Variants in HECTD2 observed in about 807,000 individuals in gnomAD.
HECTD2 encodes the protein HECT domain E3 ubiquitin protein ligase 2, also known as probable E3 ubiquitin-protein ligase HECTD2.
A neutral mutation model predicts 103.2 loss-of-function variants in HECTD2; 35 were observed. That is an observed-to-expected ratio of 0.34 (90% CI 0.26 to 0.45). The LOEUF (loss-of-function observed/expected upper bound fraction) is 0.45, where lower values mean the gene tolerates loss of function less well. Among genes scored for constraint, HECTD2 ranks in the 20% least tolerant of loss-of-function variants. The probability of loss-of-function intolerance (pLI) is 1.00; values close to 1 mark genes in which losing one functional copy is unlikely to be tolerated. For synonymous variants in HECTD2, 281 were observed against 329.9 expected (o/e 0.85, Z 1.61); for missense variants, 596 against 937.4 (o/e 0.64, Z 4.76).
At chr10:91,452,744 A>G (rs1409623765) in intron 2 of HECTD2, among the ~76,000 whole-genome samples, 1 of 152,142 alleles carries the variant, frequency 6.6e-6, no homozygotes, top group African/African-American at 2.4e-5. Context: ...GCATTGAAAT[A>G]ACAGATTTCT....
chr10:91,414,153 C>T (rs904157631), intron 1 of HECTD2, among the ~76,000 whole-genome samples: 2 of 152,114 alleles, frequency 1.3e-5, no homozygotes, highest in African/African-American at 4.8e-5. Flanking sequence ...AAGAGAGGTT[C>T]TACATGGGGT....
chr10:91,436,323 T>G (rs1042495006), intron 2 of HECTD2, among the ~76,000 whole-genome samples: 2 of 151,970 alleles, frequency 1.3e-5, no homozygotes, highest in African/African-American at 2.4e-5. Context: ...GCCTGTTGAT[T>G]GAGGAACCCT....
chr10:91,473,304 A>G (rs1845793199), intron 5 of HECTD2, among the ~76,000 whole-genome samples: 2 of 152,210 alleles, frequency 1.3e-5, no homozygotes, highest in Admixed American at 6.5e-5. Flanking sequence ...ACCTGAAGTA[A>G]TATTTTCAAA....
At chr10:91,454,273 G>A (rs1844971411) in intron 2 of HECTD2, among the ~76,000 whole-genome samples, 1 of 151,974 alleles carries the variant, frequency 6.6e-6, no homozygotes, top group Non-Finnish European at 1.5e-5. Flanking sequence ...TCATATTCTG[G>A]GCCATAAAAC....
At position 91,496,354 on chromosome 10, in the gene HECTD2, C is replaced by T; in HGVS notation, c.1662C>T (p.Asp554=). 2 of 1,610,184 alleles carry T rather than the reference C, an allele frequency of 1.2e-6. No homozygotes were observed. Among genetic ancestry groups the T allele is most frequent in the South Asian group, 1.1e-5 (1 of 90,342 alleles). The change falls in exon 15 of 21, where the codon GAC becomes GAT. Residue 554 remains aspartate, a synonymous_variant. Coordinates refer to ENST00000298068, the MANE Select transcript of HECTD2 (RefSeq NM_182765.6). ...PVGICNVTVD[D]LCQIMPELAH... ...GCATCTGCAATGTTACCGTGGACGA[C>T]TTATGTCAAATTATGCCTGTAAGTA...
At chr10:91,445,700 G>A (rs1844574745) in intron 2 of HECTD2, among the ~76,000 whole-genome samples, 1 of 152,056 alleles carries the variant, frequency 6.6e-6, no homozygotes, top group South Asian at 2.1e-4. Flanking sequence ...CATCTCACTG[G>A]GACTGGTTAG....
chr10:91,474,191 C>A (rs1385412746), intron 5 of HECTD2, among the ~76,000 whole-genome samples: 1 of 151,970 alleles, frequency 6.6e-6, no homozygotes, highest in Non-Finnish European at 1.5e-5. Flanking sequence ...ACTTTCTTAA[C>A]TGGAGAGTAG....
intron 2 of HECTD2, among the ~76,000 whole-genome samples, chr10:91,452,302 A>G (rs181915783): frequency 2.4e-4 from 36 of 152,258 alleles, no homozygotes; most frequent in African/African-American, 8.2e-4. Flanking sequence ...CCTCATTCAG[A>G]AGAAATCCAA....
In HECTD2 at chr10:91,455,904, AG is replaced by A. The variant is rs1216941574; in HGVS notation, c.269-4520del. 2.1e-4 allele frequency among the ~76,000 whole-genome samples: 32 copies of A among 152,026 alleles called. No homozygotes were observed. In the East Asian group the frequency reaches 6.0e-3, roughly 28 times the overall value. On this transcript the variant is annotated intron_variant, in intron 2 of 20. Coordinates refer to ENST00000298068, the MANE Select transcript of HECTD2 (RefSeq NM_182765.6). The stretch of plus-strand genomic sequence containing the variant: ...TTGTAGATGTGTGGTATTATTTCTG[AG>A]GGCTCTGTTCTGTTCCATTGGTCTA...
chr10:91,503,214 C>T (rs1846975723), intron 20 of HECTD2, among the ~76,000 whole-genome samples: 2 of 152,104 alleles, frequency 1.3e-5, no homozygotes, highest in Admixed American at 6.5e-5. Context: ...AATGAGATAC[C>T]ATCTCACAGC....
chr10:91,470,771 A>C (rs1487373869), intron 5 of HECTD2, among the ~76,000 whole-genome samples: 1 of 152,102 alleles, frequency 6.6e-6, no homozygotes. Flanking sequence ...ATGAGCTCTG[A>C]AATTGAATCA....
intron 10 of HECTD2, chr10:91,486,896 G>A (rs1271393609): frequency 2.6e-5 from 4 of 151,870 alleles, no homozygotes. Flanking sequence ...TTTCTCAGTG[G>A]TCACAGTTGT....
chr10:91,503,947 C>T (rs1172782854), intron 20 of HECTD2, among the ~76,000 whole-genome samples: 2 of 152,170 alleles, frequency 1.3e-5, no homozygotes, highest in Non-Finnish European at 1.5e-5. Flanking sequence ...GGCAGACTGC[C>T]GCCTCAAGTG....
At chr10:91,474,915 A>T (rs1039754491) in intron 5 of HECTD2, among the ~76,000 whole-genome samples, 1 of 152,190 alleles carries the variant, frequency 6.6e-6, no homozygotes, top group African/African-American at 2.4e-5. Context: ...AAACCATGAG[A>T]AGATCTGTGA....
rs753761920 is a variant in HECTD2, at chr10:91,460,416, A to G, written c.269-11A>G. ...GATTCATTATTTTGAATGTGTTTTT[A>G]TACTTCACAGTGAGAGAACCACCAC... On this transcript the variant is annotated splice_polypyrimidine_tract_variant and intron_variant, in intron 2 of 20. Coordinates refer to ENST00000298068, the MANE Select transcript of HECTD2 (RefSeq NM_182765.6). 1.9e-6 allele frequency: 3 copies of G among 1,582,342 alleles called. No individual in the cohort carries two copies. Among genetic ancestry groups the G allele is most frequent in the Non-Finnish European group, 8.6e-7 (1 of 1,166,920 alleles).
intron 2 of HECTD2, among the ~76,000 whole-genome samples, chr10:91,445,595 A>C (rs1245353179): frequency 2.0e-5 from 3 of 152,138 alleles, no homozygotes; most frequent in Non-Finnish European, 4.4e-5. Context: ...GTGGCTGGCA[A>C]GTCAGCCGAA....
At chr10:91,462,743 C>T (rs1458122372) in intron 5 of HECTD2, 2 of 985,828 alleles carry the variant, frequency 2.0e-6, no homozygotes, top group East Asian at 2.3e-4. Context: ...ACAAAGTCTC[C>T]AGAAGTTTAG....
chr10:91,462,006 A>G, intron 4 of HECTD2, 89 bp from the exon 5 acceptor site: 1 of 986,634 alleles, frequency 1.0e-6, no homozygotes, highest in Non-Finnish European at 1.5e-6. Context: ...AAAAATAATC[A>G]AAATTATGAA....
At chr10:91,452,403 A>G (rs1844872696) in intron 2 of HECTD2, among the ~76,000 whole-genome samples, 1 of 152,132 alleles carries the variant, frequency 6.6e-6, no homozygotes, top group African/African-American at 2.4e-5. Context: ...AAAATGACAC[A>G]TTAAAGAAAA....
Sources: allele counts gnomAD v4.1 joint callset (sites outside exome capture counted in the v4.1 genomes callset), GRCh38; gene constraint gnomAD v4.1.1; transcripts MANE v1.5; gene names NCBI Gene and HGNC (gene_info 2026-07-23, HGNC 2026-07-21).